STARD3NL: variants seen among roughly 807,000 people sequenced by gnomAD.
STARD3NL encodes STARD3 N-terminal like, also known as STARD3 N-terminal-like protein.
Under a neutral mutation model 30.9 loss-of-function variants are expected in STARD3NL, and 17 were observed. The observed-to-expected ratio is 0.55, with a 90% CI of 0.38 to 0.82. The LOEUF is 0.82. Ranked by LOEUF, STARD3NL falls within the 40% of genes least tolerant of loss-of-function variation. The probability of loss-of-function intolerance (pLI) is 0.00; values close to 1 mark genes in which losing one functional copy is unlikely to be tolerated. For missense variants in STARD3NL, 234 were observed against 277.6 expected, an observed-to-expected ratio of 0.84 and a Z score of 1.12; for synonymous variants, 112 against 100.5, an observed-to-expected ratio of 1.11 and a Z score of -0.69.
Position 38,197,133 on chromosome 7 carries a change from CTTTTTTCTTTCTTTCT to C in STARD3NL, c.-58-10311_-58-10296del, listed in dbSNP as rs749246598. The stretch of plus-strand genomic sequence containing the variant: ...TTCTGATCCTGTGAGATAGCATTAC[CTTTTTTCTTTCTTTCT>C]TTCTTTCTTTCTTTCTTTCTTTCTT... On this transcript the variant is annotated intron_variant, in intron 1 of 8. Transcript: ENST00000009041. 1.8e-3 allele frequency among the ~76,000 whole-genome samples: 169 copies of C among 92,598 alleles called. 3 individuals are homozygous for C. Among genetic ancestry groups the C allele is most frequent in the East Asian group, 0.017 (37 of 2,130 alleles). The allele number at this position is 92,598 out of a possible 152,430, so 60.7% of individuals were successfully genotyped here. A position where few individuals can be genotyped will look rare whatever the true frequency, so the allele number is the denominator to read the frequency against.
intron 1 of STARD3NL, among the ~76,000 whole-genome samples, chr7:38,202,518 G>C (rs1053266081): frequency 6.6e-6 from 1 of 151,992 alleles, no homozygotes; most frequent in Non-Finnish European, 1.5e-5. Context: ...ATTAGTCCGA[G>C]AGAATCATTG....
At chr7:38,195,048 A>T (rs1418337093) in intron 1 of STARD3NL, among the ~76,000 whole-genome samples, 1 of 152,054 alleles carries the variant, frequency 6.6e-6, no homozygotes, top group African/African-American at 2.4e-5. Context: ...TGAGTGGTGA[A>T]TATTAAGCCT....
intron 1 of STARD3NL, among the ~76,000 whole-genome samples, chr7:38,196,428 T>C (rs1784899820): frequency 6.6e-6 from 1 of 152,246 alleles, no homozygotes. Context: ...CTACTGTGAT[T>C]CATTATGTGT....
At chr7:38,217,412 C>A in intron 6 of STARD3NL, 107 bp downstream of exon 6, 1 of 1,006,500 alleles carries the variant, frequency 9.9e-7, no homozygotes, top group Non-Finnish European at 1.5e-6. Flanking sequence ...TAGAGTTAGG[C>A]AGTGGTGGGG....
In STARD3NL at chr7:38,200,568, A is replaced by G. The variant is rs116807544; in HGVS notation, c.-58-6879A>G. Among the ~76,000 whole-genome samples, 764 of 152,286 alleles carry G rather than the reference A, an allele frequency of 5.0e-3. 8 individuals are homozygous for G. The highest frequency in any genetic ancestry group is 0.018 in the African/African-American group (728 of 41,556). On this transcript the variant is annotated intron_variant, in intron 1 of 8. Transcript: ENST00000009041. ...GAAATGAGTCACAGAAAAAGAAGCC[A>G]GTCTTATTTTAAGGGCTAATAATGC...
intron 7 of STARD3NL, among the ~76,000 whole-genome samples, chr7:38,226,156 T>G (rs1786751626): frequency 6.7e-6 from 1 of 148,648 alleles, no homozygotes; most frequent in Non-Finnish European, 1.5e-5. Flanking sequence ...TATCTTGTTT[T>G]TTTTTTTTTT....
chr7:38,190,558 AAGTTGCATACATGATG>A (rs1321240636), intron 1 of STARD3NL, among the ~76,000 whole-genome samples: 4 of 152,238 alleles, frequency 2.6e-5, no homozygotes, highest in African/African-American at 9.6e-5. Context: ...AATCAGAAAT[AAGTTGCATACATGATG>A]ACACTTATCC....
At chr7:38,225,129 A>G (rs1786681889) in intron 7 of STARD3NL, among the ~76,000 whole-genome samples, 1 of 152,170 alleles carries the variant, frequency 6.6e-6, no homozygotes, top group South Asian at 2.1e-4. Flanking sequence ...TTTCTATTAT[A>G]TGTAATTCAT....
intron 1 of STARD3NL, among the ~76,000 whole-genome samples, chr7:38,181,637 A>G (rs1272406687): frequency 2.0e-5 from 3 of 152,170 alleles, no homozygotes; most frequent in African/African-American, 7.2e-5. Context: ...TGGAATTAGT[A>G]TCTTCTTTTT....
intron 6 of STARD3NL, 100 bp from the exon 7 acceptor site, chr7:38,219,465 T>C: frequency 1.3e-6 from 1 of 760,288 alleles, no homozygotes; most frequent in Non-Finnish European, 2.2e-6. Context: ...TCTAAAGGTA[T>C]TTCATTGTAA....
intron 1 of STARD3NL, among the ~76,000 whole-genome samples, chr7:38,200,564 A>T (rs1785129959): frequency 6.6e-6 from 1 of 152,198 alleles, no homozygotes; most frequent in Non-Finnish European, 1.5e-5. Flanking sequence ...CAGAAAAAGA[A>T]GCCAGTCTTA....
intron 1 of STARD3NL, among the ~76,000 whole-genome samples, chr7:38,182,825 T>TA (rs1340635763): frequency 2.0e-5 from 3 of 152,198 alleles, no homozygotes; most frequent in African/African-American, 7.2e-5. Context: ...CCTCTCTAGT[T>TA]ACAGTTTTCA....
At chr7:38,194,434 G>T (rs189076381) in intron 1 of STARD3NL, among the ~76,000 whole-genome samples, 1 of 151,902 alleles carries the variant, frequency 6.6e-6, no homozygotes, top group African/African-American at 2.4e-5. Context: ...TGTATTCATT[G>T]TTTTTCTTTT....
At chr7:38,215,198 T>A in intron 4 of STARD3NL, 93 bp downstream of exon 4, 1 of 1,218,204 alleles carries the variant, frequency 8.2e-7, no homozygotes, top group Non-Finnish European at 1.2e-6. Flanking sequence ...GATACAGTTC[T>A]AATGCAGGTG....
intron 4 of STARD3NL, 65 bp from the exon 5 acceptor site, chr7:38,216,960 A>G: frequency 6.3e-7 from 1 of 1,582,518 alleles, no homozygotes; most frequent in Non-Finnish European, 8.7e-7. Context: ...TCTCTTGTGA[A>G]GAGGGAGGTA....
At chr7:38,221,630 T>C (rs1426484458) in intron 7 of STARD3NL, among the ~76,000 whole-genome samples, 1 of 152,220 alleles carries the variant, frequency 6.6e-6, no homozygotes. Flanking sequence ...TTATAACTGC[T>C]AAAGTATATT....
In STARD3NL at chr7:38,211,976, C is replaced by T. The variant is rs145605524; in HGVS notation, c.226-2381C>T. 3.5e-3 allele frequency among the ~76,000 whole-genome samples: 539 copies of T among 152,252 alleles called. 3 individuals are homozygous for T. Among genetic ancestry groups the T allele is most frequent in the African/African-American group, 0.012 (511 of 41,550 alleles). ...CCTTTTCCACTGTTTCCCTTCTTTT[C>T]CACTGTTTCCCTTTCTTTTCCACTG... is the stretch of plus-strand genomic sequence containing the variant. On this transcript the variant is annotated intron_variant, in intron 2 of 8. Transcript: ENST00000009041.
intron 6 of STARD3NL, among the ~76,000 whole-genome samples, chr7:38,217,510 G>C (rs112934808): frequency 6.6e-6 from 1 of 152,132 alleles, no homozygotes; most frequent in African/African-American, 2.4e-5. Flanking sequence ...CCTCTCTCCA[G>C]CTATCAGGCC....
chr7:38,223,857 T>C (rs927642971), intron 7 of STARD3NL, among the ~76,000 whole-genome samples: 11 of 152,212 alleles, frequency 7.2e-5, no homozygotes, highest in African/African-American at 1.2e-4. Context: ...AAATGTATAA[T>C]TGCATGATTT....
Sources: allele counts gnomAD v4.1 joint callset (sites outside exome capture counted in the v4.1 genomes callset), GRCh38; gene constraint gnomAD v4.1.1; transcripts MANE v1.5; gene names NCBI Gene and HGNC (gene_info 2026-07-23, HGNC 2026-07-21).